The following FNIP2 variants were observed in gnomAD, a reference collection of about 807,000 sequenced individuals.
FNIP2 encodes the protein folliculin interacting protein 2, also known as folliculin-interacting protein 2.
Under a neutral mutation model 108.7 loss-of-function variants are expected in FNIP2, and 32 were observed. That is an observed-to-expected ratio of 0.29 (90% CI 0.22 to 0.40). FNIP2 has a LOEUF of 0.40. Among genes scored for constraint, FNIP2 ranks in the 10% least tolerant of loss-of-function variants. The probability of loss-of-function intolerance (pLI) is 1.00; values close to 1 mark genes in which losing one functional copy is unlikely to be tolerated. For synonymous variants in FNIP2, 480 were observed against 496.7 expected, an observed-to-expected ratio of 0.97 and a Z score of 0.45; for missense variants, 1,202 against 1,381.6, an observed-to-expected ratio of 0.87 and a Z score of 2.06.
rs567297454 is a variant in FNIP2 at position 158,904,040 on chromosome 4, C to T, written c.3267-426C>T. Among the ~76,000 whole-genome samples, 8 of 152,236 alleles carry T rather than the reference C, an allele frequency of 5.3e-5. No individual in the cohort carries two copies. The South Asian group carries it at 1.2e-3, about 24-fold the overall frequency. On this transcript the variant is annotated intron_variant, in intron 16 of 16. Transcript: ENST00000264433. ...TTTTTTAAGAAATTGCTACCATCAT[C>T]GTTTTTCTAAGACCAATTTGAACTT...
chr4:158,879,971 A>T (rs1781492433), intron 14 of FNIP2, among the ~76,000 whole-genome samples: 17 of 148,420 alleles, frequency 1.1e-4, no homozygotes, highest in African/African-American at 2.5e-4. Context: ...GTGGAGAAAT[A>T]GGAACACTTT....
chr4:158,788,890 C>T (rs1192402392), intron 1 of FNIP2, among the ~76,000 whole-genome samples: 1 of 152,240 alleles, frequency 6.6e-6, no homozygotes, highest in Non-Finnish European at 1.5e-5. Flanking sequence ...CCACTTGACT[C>T]CTTACCTTCC....
At position 158,842,553 on chromosome 4, in the gene FNIP2, T is replaced by A. The variant is rs867038078; in HGVS notation, c.727+7077T>A. Among the ~76,000 whole-genome samples the A allele has an allele frequency of 3.3e-5, 5 of 152,206 alleles. No individual in the cohort carries two copies. The South Asian group carries it at 1.0e-3, about 31-fold the overall frequency. On this transcript the variant is annotated intron_variant, in intron 7 of 16. Transcript: ENST00000264433. ...AAATAAAAGACACAGTACACTAGAA[T>A]AATTTGACATATAAATGCGCAGAGT...
intron 14 of FNIP2, chr4:158,871,964 G>A (rs1434858249): frequency 5.1e-6 from 5 of 984,144 alleles, no homozygotes; most frequent in South Asian, 4.7e-5. Context: ...TTTTCTGTCC[G>A]CTCCTATTGT....
intron 14 of FNIP2, among the ~76,000 whole-genome samples, chr4:158,883,069 CAAAA>C (rs904859332): frequency 6.7e-6 from 1 of 149,136 alleles, no homozygotes; most frequent in Non-Finnish European, 1.5e-5. Flanking sequence ...AGCTATCACC[CAAAA>C]AAAATAAAAT....
intron 14 of FNIP2, among the ~76,000 whole-genome samples, chr4:158,880,198 G>A (rs571845616): frequency 6.6e-6 from 1 of 151,716 alleles, no homozygotes; most frequent in East Asian, 1.9e-4. Context: ...CAACCCAAAT[G>A]CCCATCAATA....
intron 6 of FNIP2, chr4:158,833,900 G>C (rs1212785495): frequency 7.2e-7 from 1 of 1,396,948 alleles, no homozygotes; most frequent in East Asian, 3.3e-5. Flanking sequence ...GGTTTGTGTG[G>C]AATGCTGAGT....
intron 1 of FNIP2, among the ~76,000 whole-genome samples, chr4:158,793,216 G>A (rs1021531018): frequency 1.3e-5 from 2 of 152,204 alleles, no homozygotes; most frequent in Non-Finnish European, 2.9e-5. Flanking sequence ...ATTGGAATGT[G>A]CCTACAAGGT....
At chr4:158,784,612 C>T (rs1019920348) in intron 1 of FNIP2, among the ~76,000 whole-genome samples, 11 of 152,188 alleles carry the variant, frequency 7.2e-5, no homozygotes, top group African/African-American at 2.7e-4. Context: ...GAGATAGTGA[C>T]AGATCATCAG....
intron 14 of FNIP2, among the ~76,000 whole-genome samples, chr4:158,890,730 G>A (rs1287129872): frequency 6.6e-6 from 1 of 152,180 alleles, no homozygotes; most frequent in Non-Finnish European, 1.5e-5. Flanking sequence ...AGGCAACAAG[G>A]CAATTCTGGA....
At chr4:158,870,286 A>T in intron 13 of FNIP2, 27 bp from the exon 14 acceptor site, 2 of 1,603,452 alleles carry the variant, frequency 1.2e-6, no homozygotes, top group Non-Finnish European at 1.7e-6. Context: ...TTAGCTGTGC[A>T]TTTTAATGGG....
chr4:158,830,624 A>T (rs920397671), intron 3 of FNIP2, among the ~76,000 whole-genome samples: 1 of 152,182 alleles, frequency 6.6e-6, no homozygotes, highest in African/African-American at 2.4e-5. Context: ...TTTGTGCGTC[A>T]GCGTATGTAT....
At position 158,905,661 on chromosome 4, in the gene FNIP2, A is replaced by G. The variant is rs188653837; in HGVS notation, c.*1117A>G. On this transcript the variant is annotated 3_prime_UTR_variant, in exon 17 of 17. Transcript: ENST00000264433. The stretch of plus-strand genomic sequence containing the variant: ...CCAGACATTAACTTACACATTGTAT[A>G]AAACCGACCAAAATGATTTCCTAAA... 1.3e-5 allele frequency: 2 copies of G among 150,794 alleles called. No homozygotes were observed. The highest frequency in any genetic ancestry group is 3.9e-4 in the East Asian group (2 of 5,118). 9.3% of individuals were successfully genotyped at this position (150,794 alleles called of 1,614,324 possible). A position where few individuals can be genotyped will look rare whatever the true frequency, so the allele number is the denominator to read the frequency against.
chr4:158,870,453 T>G lies in FNIP2; in HGVS notation c.2933T>G (p.Leu978Arg). The part of the protein sequence containing the change: ...EKLKQCLVAD[L>R]VHTVHHPVLD... ...CTGAAGCAGTGCCTGGTGGCCGACCTTGTCCACACAGTCCATGTAAGTGAT... is the reference window on the plus strand; with the variant it reads ...CTGAAGCAGTGCCTGGTGGCCGACCGTGTCCACACAGTCCATGTAAGTGAT... Residue 978 changes from leucine to arginine, a missense_variant, in exon 14 of 17, where the codon CTT becomes CGT. Coordinates refer to ENST00000264433, the MANE Select transcript of FNIP2 (RefSeq NM_020840.3). The G allele has an allele frequency of 6.2e-7, 1 of 1,612,104 alleles. No individual in the cohort carries two copies. Among genetic ancestry groups the G allele is most frequent in the Non-Finnish European group, 8.5e-7 (1 of 1,178,896 alleles).
intron 14 of FNIP2, among the ~76,000 whole-genome samples, chr4:158,888,538 A>G (rs1208882781): frequency 1.3e-5 from 2 of 152,184 alleles, no homozygotes; most frequent in Non-Finnish European, 2.9e-5. Context: ...GTTTGTCTCA[A>G]TCTGTGTACT....
chr4:158,816,712 G>T (rs1237622709), intron 1 of FNIP2, among the ~76,000 whole-genome samples: 1 of 151,640 alleles, frequency 6.6e-6, no homozygotes, highest in Non-Finnish European at 1.5e-5. Flanking sequence ...ATGAACCCAG[G>T]AGGTGGAGGT....
rs1009799858 is a variant in FNIP2, at chr4:158,790,491, G to A, written c.107+21172G>A. Among the ~76,000 whole-genome samples the A allele has an allele frequency of 4.6e-5, 7 of 152,206 alleles. No homozygotes were observed. In the South Asian group the frequency reaches 6.2e-4, roughly 14 times the overall value. ...CAGTAGGCTGGGCATGGTGGCTCACGTCTGTAATCCCAGCATTTTGGGAGG... is the reference window on the plus strand; with the variant it reads ...CAGTAGGCTGGGCATGGTGGCTCACATCTGTAATCCCAGCATTTTGGGAGG... On this transcript the variant is annotated intron_variant, in intron 1 of 16. Transcript: ENST00000264433.
intron 16 of FNIP2, 94 bp downstream of exon 16, chr4:158,895,959 AGGCCCT>A: frequency 8.0e-6 from 7 of 871,822 alleles, no homozygotes; most frequent in Non-Finnish European, 1.3e-5. Context: ...CCTAAACCTC[AGGCCCT>A]GGTAACCCAT....
chr4:158,902,054 G>A (rs1262772531), intron 16 of FNIP2, among the ~76,000 whole-genome samples: 1 of 152,034 alleles, frequency 6.6e-6, no homozygotes, highest in Non-Finnish European at 1.5e-5. Flanking sequence ...GTGATCCTTT[G>A]GAGGAGAGAG....
Sources: gnomAD v4.1 joint callset for allele counts (sites outside exome capture counted in the v4.1 genomes callset) on GRCh38, gnomAD v4.1.1 for gene constraint, MANE v1.5 for transcripts, NCBI Gene and HGNC (gene_info 2026-07-23, HGNC 2026-07-21) for gene names.